The following ANKRD46 variants were observed in gnomAD, a reference collection of about 807,000 sequenced individuals.
The protein encoded by ANKRD46 is ankyrin repeat domain-containing protein 46.
A neutral mutation model predicts 19.8 loss-of-function variants in ANKRD46; 13 were observed. The observed-to-expected ratio is 0.66, with a 90% confidence interval of 0.43 to 1.04. ANKRD46 has a LOEUF of 1.04. Among genes scored for constraint, ANKRD46 ranks in the 50% least tolerant of loss-of-function variants. The pLI, the probability that ANKRD46 is intolerant of heterozygous loss-of-function variation, is 0.00. For missense variants in ANKRD46, 185 were observed against 274.8 expected, an observed-to-expected ratio of 0.67 and a Z score of 2.31; for synonymous variants, 91 against 106.9, an observed-to-expected ratio of 0.85 and a Z score of 0.92.
In ANKRD46 at chr8:100,511,804, A is replaced by G. The variant is rs1178604677; in HGVS notation, c.637-1165T>C. On this transcript the variant is annotated intron_variant, in intron 5 of 5. Transcript: ENST00000520552. This position sits in a 1 kb window ranked among gnomAD's most constrained non-coding sequence, Gnocchi z 4.1. Reference sequence around the variant, plus strand: ...TTTGGGAGGTCAATGCGGGCAGATCACTTGAGGTCAGGAGTTCGAGACCAG... The same window carrying G: ...TTTGGGAGGTCAATGCGGGCAGATCGCTTGAGGTCAGGAGTTCGAGACCAG... Among the ~76,000 whole-genome samples the G allele has an allele frequency of 6.6e-6, 1 of 152,212 alleles. No individual in the cohort carries two copies. Among genetic ancestry groups the G allele is most frequent in the Non-Finnish European group, 1.5e-5 (1 of 68,032 alleles).
intron 2 of ANKRD46, among the ~76,000 whole-genome samples, chr8:100,531,121 A>C (rs1216240555): frequency 6.6e-6 from 1 of 152,234 alleles, no homozygotes; most frequent in East Asian, 1.9e-4. Context: ...CCCTAGGTTC[A>C]TTTAAGAAAG....
chr8:100,520,184 C>T (rs2844049), downstream of ANKRD46, among the ~76,000 whole-genome samples: 65,210 of 151,820 alleles, frequency 0.43, 14,233 homozygotes, highest in Non-Finnish European at 0.47. Context: ...AGGGTTGGAG[C>T]TTGAATATTA....
chr8:100,522,873 AC>A lies in ANKRD46; in HGVS notation c.471-103del, dbSNP rs1304934039. 2.8e-5 allele frequency: 15 copies of A among 537,660 alleles called. No homozygotes were observed. In the Admixed American group the frequency reaches 4.9e-4, roughly 18 times the overall value. 33.3% of individuals were successfully genotyped at this position (537,660 alleles called of 1,614,324 possible). On this transcript the variant is annotated intron_variant, in intron 4 of 4. Coordinates refer to ENST00000335659, the MANE Select transcript of ANKRD46 (RefSeq NM_001270377.2). ...TTTAGAAAAGACCAAATACACACACACACACACACACACACACACACACACA... is the reference window on the plus strand; with the variant it reads ...TTTAGAAAAGACCAAATACACACACAACACACACACACACACACACACACA...
Position 100,536,880 on chromosome 8 carries a change from A to G in ANKRD46, c.-130-3569T>C, listed in dbSNP as rs1484580721. Among the ~76,000 whole-genome samples, 2 of 152,066 alleles carry G rather than the reference A, an allele frequency of 1.3e-5. No individual in the cohort carries two copies. The highest frequency in any genetic ancestry group is 2.4e-5 in the African/African-American group (1 of 41,386). On this transcript the variant is annotated intron_variant, in intron 1 of 4. Coordinates refer to ENST00000335659, the MANE Select transcript of ANKRD46 (RefSeq NM_001270377.2). The surrounding 1 kb of genome is among the most constrained non-coding windows in gnomAD (Gnocchi z 4.9). ...TGTAGCCTGACACTTAAAACTCCTC[A>G]CTCTGTGCTCTGTGGCACTGCCTGA...
In ANKRD46 at chr8:100,510,569, C is replaced by G; in HGVS notation, c.*8G>C. Reference sequence around the variant, plus strand: ...GAGGCTCAGGAGCACAGGACACTGACCTAGAGATTAGATGGCCTGGATTCG... The same window carrying G: ...GAGGCTCAGGAGCACAGGACACTGAGCTAGAGATTAGATGGCCTGGATTCG... On this transcript the variant is annotated 3_prime_UTR_variant, in exon 6 of 6. Transcript: ENST00000520552. This position sits in a 1 kb window ranked among gnomAD's most constrained non-coding sequence, Gnocchi z 4.9. 6.5e-7 allele frequency: 1 copy of G among 1,535,284 alleles called. No individual in the cohort carries two copies. Among genetic ancestry groups the G allele is most frequent in the Non-Finnish European group, 8.7e-7 (1 of 1,146,564 alleles).
chr8:100,547,432 T>A (rs1429708991), intron 1 of ANKRD46, among the ~76,000 whole-genome samples: 4 of 152,162 alleles, frequency 2.6e-5, no homozygotes, highest in African/African-American at 9.7e-5. Context: ...CCACAGGGAT[T>A]CTAAGTTTCC....
At position 100,545,573 on chromosome 8, in the gene ANKRD46, A is replaced by AGCCTCAAGC. The variant is rs1350006726; in HGVS notation, c.-130-12263_-130-12262insGCTTGAGGC. Among the ~76,000 whole-genome samples, 1 of 152,198 alleles carries AGCCTCAAGC rather than the reference A, an allele frequency of 6.6e-6. No homozygotes were observed. The highest frequency in any genetic ancestry group is 1.9e-4 in the East Asian group (1 of 5,202). On this transcript the variant is annotated intron_variant, in intron 1 of 4. Transcript: ENST00000335659. The surrounding 1 kb of genome is among the most constrained non-coding windows in gnomAD (Gnocchi z 4.7). Reference sequence around the variant, plus strand: ...ATAAATTACCCAGCCTCAAGTAGTAACTTTATAGCAGTGTGAAAACAGACT... The same window carrying AGCCTCAAGC: ...ATAAATTACCCAGCCTCAAGTAGTAAGCCTCAAGCCTTTATAGCAGTGTGAAAACAGACT...
At chr8:100,558,930 A>G (rs1285540958) in intron 1 of ANKRD46, 1 of 152,184 alleles carries the variant, frequency 6.6e-6, no homozygotes, top group Admixed American at 6.5e-5. Flanking sequence ...ACTAGAACAT[A>G]AAAATAATCC....
At position 100,529,037 on chromosome 8, in the gene ANKRD46, G is replaced by A. The variant is rs1365165545; in HGVS notation, c.311+486C>T. On this transcript the variant is annotated intron_variant, in intron 3 of 4. Transcript: ENST00000335659. This position sits in a 1 kb window ranked among gnomAD's most constrained non-coding sequence, Gnocchi z 5.8. ...TGACAGAAGGCACACAAGCGTTAGA[G>A]TCAGCGGAACTAGGTTCAAATTCCA... Among the ~76,000 whole-genome samples the A allele has an allele frequency of 1.3e-5, 2 of 152,222 alleles. No individual in the cohort carries two copies. Among genetic ancestry groups the A allele is most frequent in the Non-Finnish European group, 2.9e-5 (2 of 68,038 alleles).
downstream of ANKRD46, among the ~76,000 whole-genome samples, chr8:100,518,780 A>G (rs1811674803): frequency 6.6e-6 from 1 of 151,966 alleles, no homozygotes; most frequent in Non-Finnish European, 1.5e-5. Flanking sequence ...TGAACCCGGG[A>G]GGCAGAGCTT....
Position 100,522,142 on chromosome 8 carries a change from AT to A in ANKRD46, c.*412del. Reference sequence around the variant, plus strand: ...TAAAAAGTGGCTCTTGCAAAAATAAATGAAAACAAAACCACCAACAAAAACT... The same window carrying A: ...TAAAAAGTGGCTCTTGCAAAAATAAAGAAAACAAAACCACCAACAAAAACT... On this transcript the variant is annotated 3_prime_UTR_variant, in exon 5 of 5. Coordinates refer to ENST00000335659, the MANE Select transcript of ANKRD46 (RefSeq NM_001270377.2). 1 of 991,148 alleles carries A rather than the reference AT, an allele frequency of 1.0e-6. No individual in the cohort carries two copies. The highest frequency in any genetic ancestry group is 1.2e-6 in the Non-Finnish European group (1 of 833,298). 61.4% of individuals were successfully genotyped at this position (991,148 alleles called of 1,614,324 possible).
Position 100,536,065 on chromosome 8 carries a change from C to G in ANKRD46, c.-130-2754G>C, listed in dbSNP as rs530082252. Among the ~76,000 whole-genome samples the G allele has an allele frequency of 6.6e-6, 1 of 151,780 alleles. No homozygotes were observed. Among genetic ancestry groups the G allele is most frequent in the Non-Finnish European group, 1.5e-5 (1 of 67,968 alleles). ...TTATTTATGGAAGAACCTGTAGGAC[C>G]AAGCATTTGCAAGGGCACAGGTGGA... On this transcript the variant is annotated intron_variant, in intron 1 of 4. Coordinates refer to ENST00000335659, the MANE Select transcript of ANKRD46 (RefSeq NM_001270377.2). This position sits in a 1 kb window ranked among gnomAD's most constrained non-coding sequence, Gnocchi z 4.9.
chr8:100,541,623 T>A (rs1039594549), intron 1 of ANKRD46, among the ~76,000 whole-genome samples: 4 of 152,178 alleles, frequency 2.6e-5, no homozygotes, highest in African/African-American at 9.7e-5. Flanking sequence ...TTTAACTCAA[T>A]CTCATTATTT....
rs1383794272 is a variant in ANKRD46, at chr8:100,527,295, T to C, written c.470+550A>G. The stretch of plus-strand genomic sequence containing the variant: ...ACTGAACTGTGCATGTGTTAAATAC[T>C]ATCTTGCTTTCCCTCTCTTGTTTTC... On this transcript the variant is annotated intron_variant, in intron 4 of 4. Transcript: ENST00000335659. The surrounding 1 kb of genome is among the most constrained non-coding windows in gnomAD (Gnocchi z 4.0). Among the ~76,000 whole-genome samples the C allele has an allele frequency of 6.6e-6, 1 of 152,234 alleles. No homozygotes were observed. The highest frequency in any genetic ancestry group is 6.5e-5 in the Admixed American group (1 of 15,286).
At chr8:100,549,097 G>T (rs1586801200) in intron 1 of ANKRD46, among the ~76,000 whole-genome samples, 1 of 148,228 alleles carries the variant, frequency 6.7e-6, no homozygotes. Context: ...TATATAATAT[G>T]GAATACTAGC....
chr8:100,512,686 C>G (rs1344808406), intron 5 of ANKRD46, among the ~76,000 whole-genome samples: 1 of 152,176 alleles, frequency 6.6e-6, no homozygotes, highest in Non-Finnish European at 1.5e-5. Context: ...CCATAATTCT[C>G]ACTGACTCTT....
rs1237514720 is a variant in ANKRD46, at chr8:100,543,170, T to C, written c.-130-9859A>G. Among the ~76,000 whole-genome samples the C allele has an allele frequency of 2.0e-5, 3 of 152,208 alleles. No homozygotes were observed. Among genetic ancestry groups the C allele is most frequent in the African/African-American group, 4.8e-5 (2 of 41,458 alleles). ...AAAGACTATGGATCTTAAGTTTTAATAGCTACATAGCTCTTCCAGATTTGC... is the reference window on the plus strand; with the variant it reads ...AAAGACTATGGATCTTAAGTTTTAACAGCTACATAGCTCTTCCAGATTTGC... On this transcript the variant is annotated intron_variant, in intron 1 of 4. Coordinates refer to ENST00000335659, the MANE Select transcript of ANKRD46 (RefSeq NM_001270377.2). This position sits in a 1 kb window ranked among gnomAD's most constrained non-coding sequence, Gnocchi z 4.2.
downstream of ANKRD46, among the ~76,000 whole-genome samples, chr8:100,519,587 T>C (rs1586777354): frequency 1.3e-5 from 2 of 152,362 alleles, no homozygotes; most frequent in Non-Finnish European, 2.9e-5. Flanking sequence ...CTTTGATACA[T>C]GCATAAACAA....
Position 100,557,616 on chromosome 8 carries a change from C to A in ANKRD46, c.-131+2095G>T, listed in dbSNP as rs1482140013. On this transcript the variant is annotated intron_variant, in intron 1 of 4. Transcript: ENST00000335659. This position sits in a 1 kb window ranked among gnomAD's most constrained non-coding sequence, Gnocchi z 5.9. Reference sequence around the variant, plus strand: ...TCTCACTCAGAGTAAAAGCAAAAGTCCTTACCTGGGCCCATTAGCTCTCTG... The same window carrying A: ...TCTCACTCAGAGTAAAAGCAAAAGTACTTACCTGGGCCCATTAGCTCTCTG... Among the ~76,000 whole-genome samples the A allele has an allele frequency of 6.6e-6, 1 of 152,208 alleles. No individual in the cohort carries two copies. The highest frequency in any genetic ancestry group is 1.5e-5 in the Non-Finnish European group (1 of 68,036).
Sources: allele counts gnomAD v4.1 joint callset (sites outside exome capture counted in the v4.1 genomes callset), GRCh38; gene constraint gnomAD v4.1.1; non-coding constraint Gnocchi (gnomAD v3.1); transcripts MANE v1.5; gene names NCBI Gene and HGNC (gene_info 2026-07-23, HGNC 2026-07-21).